YBX3: variants seen among roughly 807,000 people sequenced by gnomAD.
YBX3 encodes Y-box binding protein 3, also known as Y-box-binding protein 3.
YBX3 carries 29 observed loss-of-function variants against 42.4 expected under a neutral mutation model. That is an observed-to-expected ratio of 0.68 (90% CI 0.51 to 0.93). The LOEUF (loss-of-function observed/expected upper bound fraction) is 0.93. Ranked by LOEUF, YBX3 falls within the 40% of genes least tolerant of loss-of-function variation. YBX3 has a pLI of 0.00. For synonymous variants in YBX3, 195 were observed against 189.8 expected (o/e 1.03, Z -0.22); for missense variants, 517 against 527.5 (o/e 0.98, Z 0.19).
chr12:10,705,073 A>C (rs1013257338), intron 6 of YBX3, among the ~76,000 whole-genome samples: 2 of 152,122 alleles, frequency 1.3e-5, no homozygotes, highest in Non-Finnish European at 2.9e-5. Flanking sequence ...AGTAAGTTAT[A>C]TCTTTTTGTT....
In YBX3 at chr12:10,723,299, C is replaced by G; in HGVS notation, c.-188G>C. The G allele has an allele frequency of 1.1e-6, 1 of 932,754 alleles. No individual in the cohort carries two copies. The highest frequency in any genetic ancestry group is 1.4e-6 in the Non-Finnish European group (1 of 735,002). 57.8% of individuals were successfully genotyped at this position (932,754 alleles called of 1,614,324 possible). A position where few individuals can be genotyped will look rare whatever the true frequency, so the allele number is the denominator to read the frequency against. ...TCGAGCTTCGTGCTGCGCGCTCTCTCTTGGGCTCCTCGCTCGATCTTACTG... is the reference window on the plus strand; with the variant it reads ...TCGAGCTTCGTGCTGCGCGCTCTCTGTTGGGCTCCTCGCTCGATCTTACTG... On this transcript the variant is annotated 5_prime_UTR_variant, in exon 1 of 10. Transcript: ENST00000228251.
chr12:10,722,539 C>T (rs755132946), intron 1 of YBX3: 1 of 224,422 alleles, frequency 4.5e-6, no homozygotes, highest in East Asian at 9.6e-5. Flanking sequence ...TTTTCCACCA[C>T]GCGAATCCGC....
intron 6 of YBX3, among the ~76,000 whole-genome samples, chr12:10,708,141 T>C (rs923594818): frequency 6.6e-6 from 1 of 152,166 alleles, no homozygotes; most frequent in African/African-American, 2.4e-5. Context: ...CTTCCCTCCA[T>C]CATATAATTA....
intron 6 of YBX3, among the ~76,000 whole-genome samples, chr12:10,708,715 C>T (rs1410844212): frequency 6.6e-6 from 1 of 152,236 alleles, no homozygotes; most frequent in East Asian, 1.9e-4. Context: ...CGATCAGCTT[C>T]TGCATATGAT....
chr12:10,703,933 C>A, intron 7 of YBX3, 118 bp downstream of exon 7: 1 of 944,310 alleles, frequency 1.1e-6, no homozygotes, highest in South Asian at 1.7e-5. Context: ...GGCATGTAGT[C>A]AAAGCATTCA....
Position 10,722,852 on chromosome 12 carries a change from A to G in YBX3, c.260T>C (p.Leu87Pro), listed in dbSNP as rs992389445. Residue 87 changes from leucine to proline, a missense_variant and splice_region_variant, in exon 1 of 10, where the codon CTC becomes CCC. By Grantham distance (98) the Leu-to-Pro change is moderately conservative. This residue lies in a region of YBX3 where 420 missense variants were observed against 408.5 expected (regional missense o/e 1.03). Transcript: ENST00000228251. ...AGSEDAEKKV[L>P]ATKVLGTVKW... Reference sequence around the variant, plus strand: ...CTGCCCTCCCTGGCCTGACTCACCGAGAACTTTTTTCTCCGCGTCTTCGCT... The same window carrying G: ...CTGCCCTCCCTGGCCTGACTCACCGGGAACTTTTTTCTCCGCGTCTTCGCT... 6.7e-7 allele frequency: 1 copy of G among 1,493,104 alleles called. No individual in the cohort carries two copies. Among genetic ancestry groups the G allele is most frequent in the Non-Finnish European group, 8.9e-7 (1 of 1,121,280 alleles). 92.5% of individuals were successfully genotyped at this position (1,493,104 alleles called of 1,614,324 possible).
chr12:10,723,204 C>T lies in YBX3; in HGVS notation c.-93G>A. The T allele has an allele frequency of 2.6e-6, 3 of 1,173,456 alleles. No individual in the cohort carries two copies. The highest frequency in any genetic ancestry group is 3.5e-4 in the Middle Eastern group (1 of 2,884). The allele number at this position is 1,173,456 out of a possible 1,614,324, so 72.7% of individuals were successfully genotyped here. ...GGTCGCGGCGGCCGGGGCTCGCTCT[C>T]GGGGAGGCCGGGGCGGATCTCGCGG... On this transcript the variant is annotated 5_prime_UTR_variant, in exon 1 of 10. Coordinates refer to ENST00000228251, the MANE Select transcript of YBX3 (RefSeq NM_003651.5).
rs770549186 is a variant in YBX3, at chr12:10,702,318, T to C, written c.879-184A>G. 108 of 427,316 alleles carry C rather than the reference T, an allele frequency of 2.5e-4. 2 individuals are homozygous for C. Among genetic ancestry groups the C allele is most frequent in the Non-Finnish European group, 1.3e-4 (33 of 251,328 alleles). The allele number at this position is 427,316 out of a possible 1,614,324, so 26.5% of individuals were successfully genotyped here. ...GGCGGATCACTTGAGGTCAGGAGTT[T>C]GAGACCAGCCTGGCCAACATGGTGA... On this transcript the variant is annotated intron_variant, in intron 7 of 9. Coordinates refer to ENST00000228251, the MANE Select transcript of YBX3 (RefSeq NM_003651.5).
At chr12:10,717,340 A>G (rs989425900) in intron 3 of YBX3, among the ~76,000 whole-genome samples, 4 of 152,360 alleles carry the variant, frequency 2.6e-5, no homozygotes, top group South Asian at 4.1e-4. Context: ...CTGAGAACGC[A>G]TATTTCAGAC....
intron 6 of YBX3, 75 bp from the exon 7 acceptor site, chr12:10,704,223 G>A: frequency 7.8e-7 from 1 of 1,283,236 alleles, no homozygotes; most frequent in South Asian, 1.4e-5. Context: ...GCTATGTTCA[G>A]AATTTTTTTT....
chr12:10,722,740 C>T, intron 1 of YBX3, 110 bp downstream of exon 1: 17 of 1,023,910 alleles, frequency 1.7e-5, no homozygotes, highest in Non-Finnish European at 2.1e-5. Flanking sequence ...CCTGTGCTGT[C>T]AGCGTCTCCA....
chr12:10,719,071 C>A lies in YBX3; in HGVS notation c.326+9G>T, dbSNP rs1948295416. ...AACTTAAAACATGCAAATATACACA[C>A]ACACATACCGATTTATAAATCCATA... On this transcript the variant is annotated intron_variant, in intron 2 of 9. Transcript: ENST00000228251. 1 of 1,611,904 alleles carries A rather than the reference C, an allele frequency of 6.2e-7. No homozygotes were observed. Among genetic ancestry groups the A allele is most frequent in the Non-Finnish European group, 8.5e-7 (1 of 1,178,540 alleles).
intron 3 of YBX3, 152 bp downstream of exon 3, chr12:10,717,936 A>C: frequency 1.9e-6 from 1 of 531,934 alleles, no homozygotes; most frequent in Non-Finnish European, 3.2e-6. Context: ...GCCAATCTTA[A>C]AATGTGGAAC....
At chr12:10,700,891 TTC>T (rs1303777877) in intron 9 of YBX3, among the ~76,000 whole-genome samples, 2 of 152,204 alleles carry the variant, frequency 1.3e-5, no homozygotes, top group East Asian at 3.9e-4. Context: ...ATTCTACTGT[TTC>T]TGATTACTAA....
At position 10,701,352 on chromosome 12, in the gene YBX3, G is replaced by C. The variant is rs78265782; in HGVS notation, c.1055C>G (p.Ala352Gly). The C allele has an allele frequency of 3.1e-3, 2,438 of 780,906 alleles. 38 individuals carry two copies. The African/African-American group carries it at 0.036, about 11-fold the overall frequency. 48.4% of individuals were successfully genotyped at this position (780,906 alleles called of 1,614,324 possible). ...CTCAGTTGGTGCTTCACCTGCCTTG[G>C]CCTAAAATGCAAAACAAAGCCATAA... ...PNAPSQDGKE[A>G]KAGEAPTENP... The change falls in exon 9 of 10, where the codon GCC becomes GGC. Residue 352 changes from alanine (A) to glycine (G), a missense_variant and splice_region_variant. Transcript: ENST00000228251.
intron 1 of YBX3, among the ~76,000 whole-genome samples, chr12:10,721,693 C>G (rs1279604235): frequency 6.6e-6 from 1 of 152,154 alleles, no homozygotes; most frequent in Non-Finnish European, 1.5e-5. Context: ...ACACTTCTCT[C>G]ACATTGCTCC....
intron 3 of YBX3, among the ~76,000 whole-genome samples, chr12:10,717,199 C>T (rs570619434): frequency 1.3e-5 from 2 of 152,274 alleles, no homozygotes; most frequent in East Asian, 3.9e-4. Flanking sequence ...CCTACGGTCA[C>T]TCCAATACAC....
In YBX3 at chr12:10,704,134, T is replaced by C. The variant is rs1948112025; in HGVS notation, c.795A>G (p.Gly265=). The C allele has an allele frequency of 6.2e-7, 1 of 1,614,146 alleles. No homozygotes were observed. The highest frequency in any genetic ancestry group is 8.5e-7 in the Non-Finnish European group (1 of 1,180,004). ...CCTCTGGGACTCCATCCTTCATCTC[T>C]CCAATCTCACCAGCCTGGAGAGGCA... ...HPNRIQAGEI[G]EMKDGVPEGA... Residue 265 remains glycine (G), a synonymous_variant, in exon 7 of 10, where the codon GGA becomes GGG. Transcript: ENST00000228251.
In YBX3 at chr12:10,716,700, G is replaced by A. The variant is rs61912197; in HGVS notation, c.361-917C>T. 3.8e-3 allele frequency among the ~76,000 whole-genome samples: 580 copies of A among 152,186 alleles called. 1 individual carries two copies. Among genetic ancestry groups the A allele is most frequent in the Non-Finnish European group, 5.9e-3 (404 of 68,028 alleles). On this transcript the variant is annotated intron_variant, in intron 3 of 9. Coordinates refer to ENST00000228251, the MANE Select transcript of YBX3 (RefSeq NM_003651.5). ...CGATTAAGCATGTGTAATCCAGCCC[G>A]TCCCCTAACTCTGAGTAGGAGGGAA...
Sources: gnomAD v4.1 joint callset for allele counts (sites outside exome capture counted in the v4.1 genomes callset) on GRCh38, gnomAD v4.1.1 for gene constraint, gnomAD v4.1.1 regional missense constraint, MANE v1.5 for transcripts, NCBI Gene and HGNC (gene_info 2026-07-23, HGNC 2026-07-21) for gene names.